Variants in PRDM13 observed in about 807,000 individuals in gnomAD.
PRDM13 encodes PR/SET domain 13.
PRDM13 carries 15 observed loss-of-function variants against 36.4 expected under a neutral mutation model. The ratio of observed to expected loss-of-function variants is 0.41; its 90% CI spans 0.28 to 0.64. PRDM13 has a LOEUF of 0.64. PRDM13 is among the 30% of genes least tolerant of loss of function. PRDM13 has a pLI of 0.29. For missense variants in PRDM13, 1,044 were observed against 1,013.5 expected (o/e 1.03, Z -0.41); for synonymous variants, 531 against 467.7 (o/e 1.14, Z -1.75).
chr6:99,613,354 C>G lies in PRDM13; in HGVS notation c.719C>G (p.Pro240Arg), dbSNP rs1462251908. 2 of 1,548,144 alleles carry G rather than the reference C, an allele frequency of 1.3e-6. No individual in the cohort carries two copies. The highest frequency in any genetic ancestry group is 8.7e-7 in the Non-Finnish European group (1 of 1,152,846). The part of the protein sequence containing the change: ...EASSAPSATS[P>R]TPGKWGQPKK... The stretch of plus-strand genomic sequence containing the variant: ...TCTTCCGCGCCCTCGGCCACCTCGC[C>G]GACCCCAGGCAAGTGGGGGCAGCCC... The change falls in exon 4 of 4, where the codon CCG becomes CGG. Residue 240 changes from proline to arginine, a missense_variant. Physicochemically the swap from Pro to Arg is moderately radical, Grantham distance 103. Transcript: ENST00000369215. This position sits in a 1 kb window ranked among gnomAD's most constrained non-coding sequence, Gnocchi z 6.1.
chr6:99,609,413 C>A (rs1399436146), intron 3 of PRDM13, 106 bp downstream of exon 3: 1 of 1,433,316 alleles, frequency 7.0e-7, no homozygotes. Flanking sequence ...AATTCACATT[C>A]CCTGTATTTC....
intron 2 of PRDM13, 63 bp downstream of exon 2, chr6:99,608,935 C>T: frequency 1.3e-6 from 2 of 1,554,462 alleles, no homozygotes; most frequent in South Asian, 1.2e-5. Context: ...ACCTAACCGT[C>T]CCTGCGGTGG....
In PRDM13 at chr6:99,613,776, C is replaced by A; in HGVS notation, c.1141C>A (p.Pro381Thr). ...DPPPPPPPGL[P>T]CSGALRGFPL... ...GCCGCCGCCGCCGCCGCCTGGCCTG[C>A]CCTGCTCTGGGGCCCTGCGCGGCTT... is the stretch of plus-strand genomic sequence containing the variant. The change falls in exon 4 of 4, where the codon CCC (proline) becomes ACC (threonine). Residue 381 changes from proline to threonine, a missense_variant. Pro to Thr is a conservative substitution (Grantham distance 38, BLOSUM62 -1). This residue lies in a region of PRDM13 where 921 missense variants were observed against 865.2 expected (regional missense o/e 1.06). Coordinates refer to ENST00000369215, the MANE Select transcript of PRDM13 (RefSeq NM_021620.4). The surrounding 1 kb of genome is among the most constrained non-coding windows in gnomAD (Gnocchi z 6.1). The A allele has an allele frequency of 1.3e-6, 2 of 1,503,444 alleles. No homozygotes were observed. Among genetic ancestry groups the A allele is most frequent in the East Asian group, 2.7e-5 (1 of 36,568 alleles). 93.1% of individuals were successfully genotyped at this position (1,503,444 alleles called of 1,614,324 possible).
Position 99,613,971 on chromosome 6 carries a change from G to A in PRDM13, c.1336G>A (p.Ala446Thr), listed in dbSNP as rs752248422. The A allele has an allele frequency of 1.2e-5, 19 of 1,603,546 alleles. No homozygotes were observed. Among genetic ancestry groups the A allele is most frequent in the Non-Finnish European group, 1.6e-5 (19 of 1,176,934 alleles). ...LPPLDPGGLK[A>T]YPGGECSHLP... The stretch of plus-strand genomic sequence containing the variant: ...GCCCCTCGACCCGGGCGGTCTCAAA[G>A]CCTATCCGGGTGGTGAGTGCAGCCA... The change falls in exon 4 of 4, where the codon GCC (alanine) becomes ACC (threonine). Residue 446 changes from alanine to threonine, a missense_variant. Coordinates refer to ENST00000369215, the MANE Select transcript of PRDM13 (RefSeq NM_021620.4). The surrounding 1 kb of genome is among the most constrained non-coding windows in gnomAD (Gnocchi z 6.1).
Position 99,613,233 on chromosome 6 carries a change from G to A in PRDM13, c.598G>A (p.Ala200Thr), listed in dbSNP as rs1413013156. Residue 200 changes from alanine (A) to threonine (T), a missense_variant, in exon 4 of 4, where the codon GCC (alanine) becomes ACC (threonine). Physicochemically the swap from Ala to Thr is moderately conservative, Grantham distance 58. This residue lies in a region of PRDM13 where 921 missense variants were observed against 865.2 expected (regional missense o/e 1.06). Transcript: ENST00000369215. The surrounding 1 kb of genome is among the most constrained non-coding windows in gnomAD (Gnocchi z 6.1). ...CCCAAAACCCCCGGCGCCCGATTTC[G>A]CCGCGCCTTCCCAGGCAGGAACTTT... ...LSPKPPAPDF[A>T]APSQAGTLRP... 3.1e-6 allele frequency: 5 copies of A among 1,610,990 alleles called. No individual in the cohort carries two copies. Among genetic ancestry groups the A allele is most frequent in the East Asian group, 4.5e-5 (2 of 44,854 alleles).
At position 99,606,906 on chromosome 6, in the gene PRDM13, C is replaced by A. The variant is rs983094712; in HGVS notation, c.-129C>A. ...AAAAGGCGCAGTGCATGCCCGCCCG[C>A]GTCACTCCGCGGGCGGAGGACGCAC... On this transcript the variant is annotated 5_prime_UTR_variant, in exon 1 of 4. Transcript: ENST00000369215. 9 of 1,264,948 alleles carry A rather than the reference C, an allele frequency of 7.1e-6. No homozygotes were observed. In the East Asian group the frequency reaches 1.6e-4, roughly 22 times the overall value. 78.4% of individuals were successfully genotyped at this position (1,264,948 alleles called of 1,614,324 possible).
chr6:99,613,573 G>A lies in PRDM13; in HGVS notation c.938G>A (p.Arg313Gln), dbSNP rs746683386. 1 of 1,506,920 alleles carries A rather than the reference G, an allele frequency of 6.6e-7. No homozygotes were observed. Among genetic ancestry groups the A allele is most frequent in the Non-Finnish European group, 8.8e-7 (1 of 1,137,122 alleles). 93.3% of individuals were successfully genotyped at this position (1,506,920 alleles called of 1,614,324 possible). A position where few individuals can be genotyped will look rare whatever the true frequency, so the allele number is the denominator to read the frequency against. ...AAAAAHGDPY[R>Q]EESSSKQGAG... Reference sequence around the variant, plus strand: ...GCGGCCGCTCACGGCGACCCCTACCGGGAGGAGAGCAGCAGCAAGCAAGGA... The same window carrying A: ...GCGGCCGCTCACGGCGACCCCTACCAGGAGGAGAGCAGCAGCAAGCAAGGA... Residue 313 changes from arginine to glutamine, a missense_variant, in exon 4 of 4, where the codon CGG (arginine) becomes CAG (glutamine). Physicochemically the swap from Arg to Gln is conservative, Grantham distance 43 (BLOSUM62 1). This residue lies in a region of PRDM13 where 921 missense variants were observed against 865.2 expected (regional missense o/e 1.06). Coordinates refer to ENST00000369215, the MANE Select transcript of PRDM13 (RefSeq NM_021620.4). The surrounding 1 kb of genome is among the most constrained non-coding windows in gnomAD (Gnocchi z 6.1).
At chr6:99,608,439 A>C (rs955512849) in intron 1 of PRDM13, among the ~76,000 whole-genome samples, 4 of 152,094 alleles carry the variant, frequency 2.6e-5, no homozygotes, top group African/African-American at 9.7e-5. Context: ...GTAGGGGACA[A>C]CTTGGTACAA....
Position 99,609,177 on chromosome 6 carries a change from T to TG in PRDM13, c.277-9dup, listed in dbSNP as rs1232158564. ...AATGACATTGAACTGTTCTATTCCTTGCGTCCCAGATCTTCTACCGAGCAT... is the reference window on the plus strand; with the variant it reads ...AATGACATTGAACTGTTCTATTCCTTGGCGTCCCAGATCTTCTACCGAGCAT... On this transcript the variant is annotated splice_polypyrimidine_tract_variant and intron_variant, in intron 2 of 3. Transcript: ENST00000369215. 6.2e-7 allele frequency: 1 copy of TG among 1,613,640 alleles called. No individual in the cohort carries two copies. The highest frequency in any genetic ancestry group is 1.7e-5 in the Admixed American group (1 of 59,978).
chr6:99,611,520 G>C (rs1335994899), intron 3 of PRDM13, among the ~76,000 whole-genome samples: 2 of 152,106 alleles, frequency 1.3e-5, no homozygotes, highest in Non-Finnish European at 2.9e-5. Flanking sequence ...TAAACGATTA[G>C]GGTAGGGTGT....
In PRDM13 at chr6:99,607,007, G is replaced by C. The variant is rs781343684; in HGVS notation, c.-28G>C. On this transcript the variant is annotated 5_prime_UTR_variant, in exon 1 of 4. Transcript: ENST00000369215. ...GCCCTTCCAAGGACCTGGAGCACCC[G>C]AGCGCCTGCCTGGTGGCGGCGGCAA... 1.9e-6 allele frequency: 3 copies of C among 1,594,614 alleles called. No individual in the cohort carries two copies. The highest frequency in any genetic ancestry group is 1.3e-5 in the African/African-American group (1 of 74,462).
chr6:99,608,820 G>T lies in PRDM13; in HGVS notation c.224G>T (p.Arg75Ile). ...LEWIGLIRAA[R>I]NSQEQTLEAI... The stretch of plus-strand genomic sequence containing the variant: ...TGGATAGGGTTAATCCGGGCAGCCA[G>T]AAACTCCCAGGAACAGACTCTGGAA... Residue 75 changes from arginine (R) to isoleucine (I), a missense_variant, in exon 2 of 4, where the codon AGA becomes ATA. Physicochemically the swap from Arg to Ile is moderately conservative, Grantham distance 97. Around this residue, in one of 3 missense-constraint regions of PRDM13, gnomAD observed 921 missense variants for 865.2 expected, o/e 1.06. Coordinates refer to ENST00000369215, the MANE Select transcript of PRDM13 (RefSeq NM_021620.4). The T allele has an allele frequency of 6.2e-7, 1 of 1,613,994 alleles. No individual in the cohort carries two copies. The highest frequency in any genetic ancestry group is 8.5e-7 in the Non-Finnish European group (1 of 1,179,980).
rs1300119758 is a variant in PRDM13, at chr6:99,614,420, C to T, written c.1785C>T (p.His595=). Residue 595 remains histidine, a synonymous_variant, in exon 4 of 4, where the codon CAC becomes CAT. Coordinates refer to ENST00000369215, the MANE Select transcript of PRDM13 (RefSeq NM_021620.4). ...KYGLKIHMRT[H]TGYKPLKCKV... is the part of the protein sequence containing the mutation. ...GGCTCAAGATCCACATGCGGACGCA[C>T]ACGGGCTACAAGCCACTCAAGTGCA... 6.2e-7 allele frequency: 1 copy of T among 1,613,356 alleles called. No individual in the cohort carries two copies. Among genetic ancestry groups the T allele is most frequent in the Non-Finnish European group, 8.5e-7 (1 of 1,180,008 alleles).
chr6:99,614,026 T>A lies in PRDM13; in HGVS notation c.1391T>A (p.Val464Asp). 2 of 1,610,516 alleles carry A rather than the reference T, an allele frequency of 1.2e-6. No homozygotes were observed. The highest frequency in any genetic ancestry group is 1.7e-6 in the Non-Finnish European group (2 of 1,179,188). ...HLPAVMPAFT[V>D]YNGELLYGSP... The stretch of plus-strand genomic sequence containing the variant: ...CCCGCCGTCATGCCGGCCTTTACAG[T>A]CTACAACGGGGAGCTGCTCTACGGC... The change falls in exon 4 of 4, where the codon GTC becomes GAC. Residue 464 changes from valine (V) to aspartate (D), a missense_variant. Coordinates refer to ENST00000369215, the MANE Select transcript of PRDM13 (RefSeq NM_021620.4).
At chr6:99,609,333 G>C in intron 3 of PRDM13, 26 bp downstream of exon 3, 1 of 1,612,448 alleles carries the variant, frequency 6.2e-7, no homozygotes, top group Non-Finnish European at 8.5e-7. Flanking sequence ...GCGTGGATGG[G>C]CAAAAGTCCA....
intron 3 of PRDM13, among the ~76,000 whole-genome samples, chr6:99,610,019 G>C (rs1770009987): frequency 6.6e-6 from 1 of 152,192 alleles, no homozygotes; most frequent in African/African-American, 2.4e-5. Flanking sequence ...CTTCTCCACT[G>C]GCTTTCCAGG....
At chr6:99,612,916 AC>A (rs1562508559) in intron 3 of PRDM13, 116 bp from the exon 4 acceptor site, 1 of 1,500,114 alleles carries the variant, frequency 6.7e-7, no homozygotes, top group African/African-American at 1.4e-5. Context: ...CTTATATTTC[AC>A]CCTCTCCCCA....
At chr6:99,612,823 G>A (rs1190413755) in intron 3 of PRDM13, among the ~76,000 whole-genome samples, 1 of 152,150 alleles carries the variant, frequency 6.6e-6, no homozygotes, top group South Asian at 2.1e-4. Context: ...TTTGGCCTCC[G>A]AGTAGTCCCA....
rs758370761 is a variant in PRDM13 at position 99,614,126 on chromosome 6, C to T, written c.1491C>T (p.Ser497=). 3 of 1,598,826 alleles carry T rather than the reference C, an allele frequency of 1.9e-6. No homozygotes were observed. The highest frequency in any genetic ancestry group is 2.6e-6 in the Non-Finnish European group (3 of 1,174,242). The change falls in exon 4 of 4, where the codon TCC becomes TCT. Residue 497 remains serine (S), a synonymous_variant. Coordinates refer to ENST00000369215, the MANE Select transcript of PRDM13 (RefSeq NM_021620.4). ...TGCTGAAGTATCCGGAGTCCATCTC[C>T]TACTTCAGCGGGCCTGCAGCGGCCG... The part of the protein sequence containing the change: ...GGLLKYPESI[S]YFSGPAAAAL...
Sources: allele counts gnomAD v4.1 joint callset (sites outside exome capture counted in the v4.1 genomes callset), GRCh38; gene constraint gnomAD v4.1.1; regional missense constraint gnomAD v4.1.1; non-coding constraint Gnocchi (gnomAD v3.1); transcripts MANE v1.5; gene names NCBI Gene and HGNC (gene_info 2026-07-23, HGNC 2026-07-21).